The following NEB variants were observed in gnomAD, a reference collection of about 807,000 sequenced individuals.
NEB encodes the protein nemaline myopathy type 2.
In NEB, 512 loss-of-function variants were observed where a neutral mutation model predicts 952.2. The ratio of observed to expected loss-of-function variants is 0.54; its 90% CI spans 0.50 to 0.58. The LOEUF is 0.58. NEB is among the 20% of genes least tolerant of loss of function. NEB has a pLI of 0.00. For missense variants in NEB, 8,428 were observed against 9,231.1 expected, an observed-to-expected ratio of 0.91 and a Z score of 3.56; for synonymous variants, 2,900 against 3,149.8, an observed-to-expected ratio of 0.92 and a Z score of 2.66.
Position 151,690,736 on chromosome 2 carries a change from C to T in NEB, c.2301G>A (p.Gln767=), listed in dbSNP as rs1364745669. 1 of 1,588,804 alleles carries T rather than the reference C, an allele frequency of 6.3e-7. No individual in the cohort carries two copies. Among genetic ancestry groups the T allele is most frequent in the Non-Finnish European group, 8.6e-7 (1 of 1,166,510 alleles). ...VLLQAQLNTK[Q]LSDLNYKAKH... is the part of the protein sequence containing the mutation. Reference sequence around the variant, plus strand: ...AAATCAAAGCACTTACATCACTAAGCTGTTTCGTGTTGAGCTGGGCTTGCA... The same window carrying T: ...AAATCAAAGCACTTACATCACTAAGTTGTTTCGTGTTGAGCTGGGCTTGCA... Residue 767 remains glutamine, a synonymous_variant, in exon 24 of 182, where the codon CAG becomes CAA. Coordinates refer to ENST00000397345, the MANE Select transcript of NEB (RefSeq NM_001164508.2).
At chr2:151,719,418 A>T (rs2099768192) in intron 9 of NEB, among the ~76,000 whole-genome samples, 1 of 152,222 alleles carries the variant, frequency 6.6e-6, no homozygotes, top group South Asian at 2.1e-4. Flanking sequence ...GAATAATCCC[A>T]AGGTCCCAAT....
At chr2:151,630,673 A>T (rs780654024) in intron 67 of NEB, 42 bp downstream of exon 67, 16 of 1,478,790 alleles carry the variant, frequency 1.1e-5, no homozygotes, top group Non-Finnish European at 2.8e-6. Context: ...CTAAGTATAG[A>T]CACCACCACC....
chr2:151,691,415 C>G (rs1162292675), intron 23 of NEB, among the ~76,000 whole-genome samples: 1 of 152,076 alleles, frequency 6.6e-6, no homozygotes, highest in East Asian at 1.9e-4. Flanking sequence ...TATTAGTTTC[C>G]TTATTATTGC....
intron 170 of NEB, 175 bp downstream of exon 170, chr2:151,498,085 G>A (rs924567945): frequency 6.8e-7 from 1 of 1,469,304 alleles, no homozygotes; most frequent in Admixed American, 2.5e-5. Context: ...AATATCAGAT[G>A]AAGTAAAAAA....
intron 179 of NEB, 91 bp downstream of exon 179, chr2:151,491,592 G>A: frequency 9.2e-7 from 1 of 1,090,610 alleles, no homozygotes; most frequent in Non-Finnish European, 1.4e-6. Context: ...AAACTCTGGA[G>A]GGAAGGAACT....
chr2:151,653,948 T>C (rs2154143044), intron 52 of NEB, 44 bp downstream of exon 52: 1 of 1,296,084 alleles, frequency 7.7e-7, no homozygotes, highest in Non-Finnish European at 1.1e-6. Context: ...AGTCACCTGA[T>C]TCAGATAAAA....
At position 151,639,383 on chromosome 2, in the gene NEB, C is replaced by A. The variant is rs772143732; in HGVS notation, c.8891G>T (p.Arg2964Leu). ...AKNNAITMNK[R>L]LYTEAWDKDK... ...TTTGTCCCAGGCTTCTGTGTATAAA[C>A]GCTATCAAAAAAAATACACAAATTC... The change falls in exon 63 of 182, where the codon CGT becomes CTT. Residue 2964 changes from arginine (R) to leucine (L), a missense_variant and splice_region_variant. Around this residue, in one of 11 missense-constraint regions of NEB, gnomAD observed 1,772 missense variants for 1,960.3 expected, o/e 0.90. Coordinates refer to ENST00000397345, the MANE Select transcript of NEB (RefSeq NM_001164508.2). 2 of 1,522,930 alleles carry A rather than the reference C, an allele frequency of 1.3e-6. No individual in the cohort carries two copies. The highest frequency in any genetic ancestry group is 2.4e-5 in the East Asian group (1 of 40,930). The allele number at this position is 1,522,930 out of a possible 1,614,324, so 94.3% of individuals were successfully genotyped here.
rs2099217279 is a variant in NEB at position 151,666,414 on chromosome 2, A to G, written c.4720-13T>C. On this transcript the variant is annotated splice_polypyrimidine_tract_variant and intron_variant, in intron 40 of 181. Coordinates refer to ENST00000397345, the MANE Select transcript of NEB (RefSeq NM_001164508.2). Reference sequence around the variant, plus strand: ...CCTTATATTTGCACTATTTGAAAACAAAGGGCAAACAGAAGTTGGCTAGCA... The same window carrying G: ...CCTTATATTTGCACTATTTGAAAACGAAGGGCAAACAGAAGTTGGCTAGCA... 1 of 1,607,948 alleles carries G rather than the reference A, an allele frequency of 6.2e-7. No individual in the cohort carries two copies. The highest frequency in any genetic ancestry group is 1.1e-5 in the South Asian group (1 of 90,764).
intron 67 of NEB, among the ~76,000 whole-genome samples, chr2:151,630,154 A>G (rs1450260851): frequency 6.6e-6 from 1 of 152,246 alleles, no homozygotes; most frequent in African/African-American, 2.4e-5. Flanking sequence ...TATAGTTAAC[A>G]ACCATAATCA....
intron 168 of NEB, among the ~76,000 whole-genome samples, chr2:151,499,867 G>A (rs950233269): frequency 1.3e-5 from 2 of 152,078 alleles, no homozygotes; most frequent in Non-Finnish European, 2.9e-5. Flanking sequence ...TTCAATATGT[G>A]GCATTGTCTA....
intron 54 of NEB, among the ~76,000 whole-genome samples, chr2:151,648,612 C>T (rs2154130161): frequency 6.6e-6 from 1 of 152,316 alleles, no homozygotes; most frequent in East Asian, 1.9e-4. Context: ...ATGGATGATT[C>T]TTTGTTGTGG....
intron 176 of NEB, 66 bp downstream of exon 176, chr2:151,493,286 GT>G: frequency 8.1e-7 from 1 of 1,235,908 alleles, no homozygotes; most frequent in Admixed American, 2.1e-5. Context: ...AGAAAGGCGT[GT>G]TTTTATGATG....
chr2:151,579,028 C>A (rs1170425061), intron 105 of NEB, among the ~76,000 whole-genome samples: 1 of 128,098 alleles, frequency 7.8e-6, no homozygotes, highest in African/African-American at 2.9e-5. Context: ...TTGCAGTGGG[C>A]TGAGATTGCA....
chr2:151,687,317 G>A (rs2099510379), intron 27 of NEB, 102 bp downstream of exon 27: 2 of 978,754 alleles, frequency 2.0e-6, no homozygotes, highest in Non-Finnish European at 3.2e-6. Context: ...AATGTGATGT[G>A]AAAGAGCCCA....
At chr2:151,554,079 T>C in intron 125 of NEB, 54 bp from the exon 126 acceptor site, 2 of 1,550,490 alleles carry the variant, frequency 1.3e-6, no homozygotes, top group South Asian at 1.1e-5. Flanking sequence ...CAAGGCATCA[T>C]GGCCATACAT....
chr2:151,686,477 A>G (rs1401548534), intron 27 of NEB, among the ~76,000 whole-genome samples: 1 of 152,186 alleles, frequency 6.6e-6, no homozygotes, highest in Non-Finnish European at 1.5e-5. Flanking sequence ...AGTTGAAAAG[A>G]CTCAACTAGT....
Position 151,633,696 on chromosome 2 carries a change from G to T in NEB, c.9372C>A (p.Ser3124Arg), listed in dbSNP as rs768098141. ...AGGCCTGCCGAGCATGGATGACATC[G>T]CTCTGGTCAGGCAGGCATGTCCACT... ...LHEWTCLPDQ[S>R]DVIHARQAYD... is the part of the protein sequence containing the mutation. The change falls in exon 65 of 182, where the codon AGC (serine) becomes AGA (arginine). Residue 3124 changes from serine to arginine, a missense_variant. By Grantham distance (110) the Ser-to-Arg change is moderately radical. Transcript: ENST00000397345. 6.2e-7 allele frequency: 1 copy of T among 1,613,784 alleles called. No homozygotes were observed. The highest frequency in any genetic ancestry group is 8.5e-7 in the Non-Finnish European group (1 of 1,179,744).
intron 52 of NEB, among the ~76,000 whole-genome samples, chr2:151,652,053 T>C (rs1027632482): frequency 6.6e-6 from 1 of 152,042 alleles, no homozygotes; most frequent in African/African-American, 2.4e-5. Flanking sequence ...AATATGAAAA[T>C]GTTTGAAGAC....
intron 9 of NEB, among the ~76,000 whole-genome samples, chr2:151,720,483 A>G (rs1431465186): frequency 6.6e-6 from 1 of 152,238 alleles, no homozygotes; most frequent in African/African-American, 2.4e-5. Flanking sequence ...TAACTGTCAC[A>G]TCTTTTTGAG....
Sources: allele counts gnomAD v4.1 joint callset (sites outside exome capture counted in the v4.1 genomes callset), GRCh38; gene constraint gnomAD v4.1.1; regional missense constraint gnomAD v4.1.1; transcripts MANE v1.5; gene names NCBI Gene and HGNC (gene_info 2026-07-23, HGNC 2026-07-21).